Variants in GPC6 observed in about 807,000 individuals in gnomAD.
GPC6 encodes the protein glypican 6, also known as glypican-6.
In GPC6, 14 loss-of-function variants were observed where a neutral mutation model predicts 55.2. The ratio of observed to expected loss-of-function variants is 0.25; its 90% CI spans 0.17 to 0.40. The LOEUF (loss-of-function observed/expected upper bound fraction) is 0.40, where lower values mean the gene tolerates loss of function less well. Among genes scored for constraint, GPC6 ranks in the 10% least tolerant of loss-of-function variants. The pLI, the probability that GPC6 is intolerant of heterozygous loss-of-function variation, is 1.00. For missense variants in GPC6, 641 were observed against 708.5 expected (o/e 0.90, Z 1.08); for synonymous variants, 278 against 259.6 (o/e 1.07, Z -0.68).
chr13:93,542,191 A>G (rs1188680507), intron 1 of GPC6, among the ~76,000 whole-genome samples: 6 of 152,124 alleles, frequency 3.9e-5, no homozygotes, highest in Non-Finnish European at 7.3e-5. Context: ...ATCTTGAATT[A>G]ATTTTTGTGT....
intron 4 of GPC6, among the ~76,000 whole-genome samples, chr13:94,063,872 CA>C (rs35630633): frequency 6.6e-6 from 1 of 151,898 alleles, no homozygotes; most frequent in Admixed American, 6.6e-5. Flanking sequence ...CTAATTCTTT[CA>C]AAAAAAAGAT....
intron 4 of GPC6, among the ~76,000 whole-genome samples, chr13:94,035,367 A>G (rs1021461019): frequency 1.3e-5 from 2 of 152,108 alleles, no homozygotes; most frequent in African/African-American, 4.8e-5. Context: ...CATTAGCCCA[A>G]TGACATTCTT....
At chr13:93,396,339 C>T (rs1197284663) in intron 1 of GPC6, among the ~76,000 whole-genome samples, 8 of 152,124 alleles carry the variant, frequency 5.3e-5, no homozygotes, top group South Asian at 4.2e-4. Flanking sequence ...CCGAGGTGGG[C>T]GGATCATGAG....
intron 1 of GPC6, among the ~76,000 whole-genome samples, chr13:93,402,289 G>A (rs1041233789): frequency 2.6e-5 from 4 of 152,094 alleles, no homozygotes; most frequent in African/African-American, 9.7e-5. Flanking sequence ...AATTCTCCAA[G>A]TGCCGAGCCA....
chr13:93,518,275 T>C (rs2813602), intron 1 of GPC6, among the ~76,000 whole-genome samples: 143,045 of 151,720 alleles, frequency 0.94, 67,998 homozygotes, highest in East Asian at 1. Context: ...CTTCCCGGCT[T>C]CCTTAATTAT....
At chr13:93,613,140 C>T (rs761257744) in intron 2 of GPC6, among the ~76,000 whole-genome samples, 4 of 152,052 alleles carry the variant, frequency 2.6e-5, no homozygotes, top group South Asian at 2.1e-4. Flanking sequence ...CAGAGGTGTA[C>T]GAAAATTAAG....
Position 93,510,971 on chromosome 13 carries a change from G to A in GPC6, c.161-34292G>A, listed in dbSNP as rs868212678. 2.2e-3 allele frequency among the ~76,000 whole-genome samples: 155 copies of A among 69,736 alleles called. 15 individuals are homozygous for A. The highest frequency in any genetic ancestry group is 0.011 in the East Asian group (20 of 1,848). 45.7% of individuals were successfully genotyped at this position (69,736 alleles called of 152,430 possible). ...GAGAAATATATATATATATATATAT[G>A]TGTATATATATATGTGTATATATAT... On this transcript the variant is annotated intron_variant, in intron 1 of 8. Transcript: ENST00000377047.
chr13:94,343,226 G>A (rs1878128160), intron 6 of GPC6, among the ~76,000 whole-genome samples: 1 of 152,072 alleles, frequency 6.6e-6, no homozygotes, highest in African/African-American at 2.4e-5. Context: ...AGGATTTACG[G>A]TATTTAACCC....
At chr13:93,309,600 T>A (rs35482480) in intron 1 of GPC6, among the ~76,000 whole-genome samples, 18,039 of 152,162 alleles carry the variant, frequency 0.12, 1,304 homozygotes, top group East Asian at 0.36. Flanking sequence ...TACACTTTAG[T>A]ATAAACATAG....
intron 4 of GPC6, among the ~76,000 whole-genome samples, chr13:94,050,914 G>A (rs1883924950): frequency 6.6e-6 from 1 of 152,136 alleles, no homozygotes; most frequent in Non-Finnish European, 1.5e-5. Flanking sequence ...AATCTAGCTA[G>A]TAGTGTCGTA....
At chr13:93,293,245 A>G (rs1277202703) in intron 1 of GPC6, among the ~76,000 whole-genome samples, 1 of 151,766 alleles carries the variant, frequency 6.6e-6, no homozygotes, top group African/African-American at 2.4e-5. Flanking sequence ...TATTAGGGGG[A>G]AAAAAACAAT....
In GPC6 at chr13:93,675,327, TA is replaced by T. The variant is rs550859233; in HGVS notation, c.319+129917del. Reference sequence around the variant, plus strand: ...GGCGAATGAAGAGTGTTTTTTTCCTTAAAAAAAAAAACATCTATAGTTTTAA... The same window carrying T: ...GGCGAATGAAGAGTGTTTTTTTCCTTAAAAAAAAAACATCTATAGTTTTAA... On this transcript the variant is annotated intron_variant, in intron 2 of 8. Transcript: ENST00000377047. Among the ~76,000 whole-genome samples the T allele has an allele frequency of 2.8e-3, 410 of 145,570 alleles. 4 individuals carry two copies. Among genetic ancestry groups the T allele is most frequent in the South Asian group, 0.016 (71 of 4,572 alleles).
At chr13:94,132,669 G>A (rs1593967978) in intron 4 of GPC6, among the ~76,000 whole-genome samples, 1 of 152,224 alleles carries the variant, frequency 6.6e-6, no homozygotes, top group South Asian at 2.1e-4. Flanking sequence ...AAAGACTAGA[G>A]CATTATCTCC....
intron 2 of GPC6, among the ~76,000 whole-genome samples, chr13:93,797,377 TA>T (rs1886231548): frequency 6.6e-6 from 1 of 152,194 alleles, no homozygotes; most frequent in Admixed American, 6.5e-5. Flanking sequence ...ACAGATATTT[TA>T]TCTAGTACAG....
chr13:93,802,818 A>AAGG (rs1886420849), intron 2 of GPC6, among the ~76,000 whole-genome samples: 4 of 152,176 alleles, frequency 2.6e-5, no homozygotes, highest in Non-Finnish European at 5.9e-5. Context: ...CTAGAGAAAC[A>AAGG]CCTGAGAGAG....
chr13:93,216,572 G>T, the GPC6 span, among the ~76,000 whole-genome samples: 1 of 152,006 alleles, frequency 6.6e-6, no homozygotes, highest in Admixed American at 6.6e-5. Flanking sequence ...CAACAGAGGG[G>T]TAGTGCAACC....
At chr13:94,290,028 G>A (rs1387251253) in intron 5 of GPC6, among the ~76,000 whole-genome samples, 1 of 152,120 alleles carries the variant, frequency 6.6e-6, no homozygotes, top group Non-Finnish European at 1.5e-5. Context: ...TGTTTGTATT[G>A]ATGGCACAAA....
At chr13:93,787,109 TTCCACTATCTC>T (rs1885838349) in intron 2 of GPC6, among the ~76,000 whole-genome samples, 1 of 152,220 alleles carries the variant, frequency 6.6e-6, no homozygotes. Context: ...TCTTTAACAG[TTCCACTATCTC>T]GGAAATAGTT....
In GPC6 at chr13:94,269,903, G is replaced by A. The variant is rs971968433; in HGVS notation, c.878-16446G>A. Among the ~76,000 whole-genome samples, 23 of 152,236 alleles carry A rather than the reference G, an allele frequency of 1.5e-4. 1 individual carries two copies. The highest frequency in any genetic ancestry group is 3.9e-4 in the Admixed American group (6 of 15,290). On this transcript the variant is annotated intron_variant, in intron 4 of 8. Coordinates refer to ENST00000377047, the MANE Select transcript of GPC6 (RefSeq NM_005708.5). ...CATTTAATTTTACAGATGGGAATTCGTGAGCTCAGTGTCAGATGTTGATGT... is the reference window on the plus strand; with the variant it reads ...CATTTAATTTTACAGATGGGAATTCATGAGCTCAGTGTCAGATGTTGATGT...
Sources: gnomAD v4.1 joint callset for allele counts (sites outside exome capture counted in the v4.1 genomes callset) on GRCh38, gnomAD v4.1.1 for gene constraint, MANE v1.5 for transcripts, NCBI Gene and HGNC (gene_info 2026-07-23, HGNC 2026-07-21) for gene names.